Variants in PHF24 observed in about 807,000 individuals in gnomAD.
PHF24 encodes PHD finger protein 24, also known as Galpha inhibitory interacting protein.
PHF24 carries 25 observed loss-of-function variants against 42.6 expected under a neutral mutation model. That is an observed-to-expected ratio of 0.59 (90% CI 0.43 to 0.82). PHF24 has a LOEUF of 0.82. PHF24 is among the 40% of genes least tolerant of loss of function. The pLI is 0.00. For synonymous variants in PHF24, 185 were observed against 204.8 expected (o/e 0.90, Z 0.83); for missense variants, 470 against 538.1 (o/e 0.87, Z 1.25).
the PHF24 span, among the ~76,000 whole-genome samples, chr9:34,759,863 G>A: frequency 6.6e-6 from 1 of 152,202 alleles, no homozygotes; most frequent in Non-Finnish European, 1.5e-5. Flanking sequence ...GCCAAGGGCT[G>A]AGCCAAAAAT....
the PHF24 span, among the ~76,000 whole-genome samples, chr9:34,791,306 G>A: frequency 6.6e-6 from 1 of 152,172 alleles, no homozygotes; most frequent in Non-Finnish European, 1.5e-5. Flanking sequence ...GTCAACGATG[G>A]CACCAGGGAT....
the PHF24 span, among the ~76,000 whole-genome samples, chr9:34,733,718 G>A: frequency 2.0e-5 from 3 of 151,996 alleles, no homozygotes; most frequent in Admixed American, 6.6e-5. Flanking sequence ...GTCCAGGATG[G>A]TTTTGAACCC....
chr9:34,922,131 A>G, the PHF24 span: 1 of 1,450,368 alleles, frequency 6.9e-7, no homozygotes, highest in Non-Finnish European at 9.6e-7. Context: ...ATGGATGACA[A>G]ATGGTCTACT....
At chr9:34,884,673 G>A in the PHF24 span, among the ~76,000 whole-genome samples, 1 of 152,192 alleles carries the variant, frequency 6.6e-6, no homozygotes, top group African/African-American at 2.4e-5. Flanking sequence ...GGAGATAACT[G>A]AGCCCTTGTG....
the PHF24 span, chr9:34,894,960 G>C: frequency 0.98 from 390,831 of 398,266 alleles, 191,854 homozygotes; most frequent in Non-Finnish European, 0.99. Flanking sequence ...GCTGTTAGCA[G>C]CAGGGGTCAT....
the PHF24 span, among the ~76,000 whole-genome samples, chr9:34,883,968 A>C: frequency 3.9e-4 from 59 of 152,248 alleles, no homozygotes; most frequent in Non-Finnish European, 2.9e-4. Context: ...ACCAGCCCAA[A>C]TGTCCATCAG....
chr9:34,817,114 A>G, the PHF24 span, among the ~76,000 whole-genome samples: 1 of 152,232 alleles, frequency 6.6e-6, no homozygotes, highest in Non-Finnish European at 1.5e-5. Context: ...AGAACACTCT[A>G]AATATTTTCT....
chr9:34,898,690 A>G, the PHF24 span, among the ~76,000 whole-genome samples: 1 of 152,174 alleles, frequency 6.6e-6, no homozygotes, highest in African/African-American at 2.4e-5. Context: ...TGTATCCTTC[A>G]TTACTTTTAT....
At chr9:34,717,794 C>T in the PHF24 span, among the ~76,000 whole-genome samples, 1 of 152,062 alleles carries the variant, frequency 6.6e-6, no homozygotes, top group South Asian at 2.1e-4. Flanking sequence ...TGTGTGCAAA[C>T]CTGTCTTTGT....
chr9:34,763,493 C>G, the PHF24 span, among the ~76,000 whole-genome samples: 1 of 152,212 alleles, frequency 6.6e-6, no homozygotes, highest in African/African-American at 2.4e-5. Flanking sequence ...ATTTGGCTCT[C>G]TGTTTGTCTG....
the PHF24 span, among the ~76,000 whole-genome samples, chr9:34,856,513 C>T: frequency 6.6e-6 from 1 of 152,282 alleles, no homozygotes; most frequent in South Asian, 2.1e-4. Context: ...TTTCTTTTAA[C>T]AGTCAGGCCA....
chr9:34,842,952 C>T, the PHF24 span, among the ~76,000 whole-genome samples: 7 of 152,090 alleles, frequency 4.6e-5, no homozygotes, highest in East Asian at 7.7e-4. Flanking sequence ...GGTTTTAATC[C>T]GTGTTTCTCT....
the PHF24 span, chr9:34,838,370 C>T: frequency 1.0e-6 from 1 of 958,408 alleles, no homozygotes; most frequent in Non-Finnish European, 1.7e-6. Context: ...CTCCTTTCAA[C>T]TTCCAAGTTC....
the PHF24 span, among the ~76,000 whole-genome samples, chr9:34,882,299 G>A: frequency 7.2e-5 from 11 of 152,140 alleles, no homozygotes; most frequent in Non-Finnish European, 1.5e-4. Context: ...TTGAAAACTG[G>A]CACAAGACAA....
the PHF24 span, among the ~76,000 whole-genome samples, chr9:34,783,793 A>G: frequency 6.6e-6 from 1 of 152,228 alleles, no homozygotes; most frequent in Non-Finnish European, 1.5e-5. Flanking sequence ...CTTCCCTTAT[A>G]AAGAATATCA....
chr9:34,731,450 G>C, the PHF24 span, among the ~76,000 whole-genome samples: 1 of 149,224 alleles, frequency 6.7e-6, no homozygotes, highest in Non-Finnish European at 1.5e-5. Context: ...ACCTCACCCC[G>C]CTACCTTTCC....
the PHF24 span, among the ~76,000 whole-genome samples, chr9:34,848,867 T>C: frequency 1.3e-5 from 2 of 152,214 alleles, no homozygotes; most frequent in African/African-American, 4.8e-5. Flanking sequence ...TACCCAGTAG[T>C]CGTTCAGGAG....
the PHF24 span, among the ~76,000 whole-genome samples, chr9:34,822,963 G>A: frequency 1.3e-5 from 2 of 151,832 alleles, no homozygotes; most frequent in South Asian, 4.1e-4. Context: ...TTGGGAGGCC[G>A]AGGCGGGTGG....
chr9:34,812,010 T>C, the PHF24 span, among the ~76,000 whole-genome samples: 1 of 152,320 alleles, frequency 6.6e-6, no homozygotes, highest in South Asian at 2.1e-4. Context: ...AAAGAAGATA[T>C]GCAAACGACC....
Sources: gnomAD v4.1 joint callset for allele counts (sites outside exome capture counted in the v4.1 genomes callset) on GRCh38, gnomAD v4.1.1 for gene constraint, MANE v1.5 for transcripts, NCBI Gene and HGNC (gene_info 2026-07-23, HGNC 2026-07-21) for gene names.